EPG5: variants seen among roughly 807,000 people sequenced by gnomAD.
The protein encoded by EPG5 is ectopic P granules protein 5 homolog.
A neutral mutation model predicts 302.7 loss-of-function variants in EPG5; 159 were observed. The observed-to-expected ratio is 0.53, with a 90% CI of 0.46 to 0.60. The LOEUF (loss-of-function observed/expected upper bound fraction) is 0.60. Among genes scored for constraint, EPG5 ranks in the 20% least tolerant of loss-of-function variants. The pLI, the probability that EPG5 is intolerant of heterozygous loss-of-function variation, is 0.00. For synonymous variants in EPG5, 1,158 were observed against 1,136.8 expected, an observed-to-expected ratio of 1.02 and a Z score of -0.37; for missense variants, 2,896 against 3,092.4, an observed-to-expected ratio of 0.94 and a Z score of 1.51.
intron 11 of EPG5, among the ~76,000 whole-genome samples, chr18:45,933,204 T>C (rs985509173): frequency 3.3e-5 from 5 of 152,000 alleles, no homozygotes; most frequent in African/African-American, 9.7e-5. Flanking sequence ...ACCACGGCAA[T>C]GGTCTAATAG....
chr18:45,926,314 G>A (rs975771372), intron 13 of EPG5, among the ~76,000 whole-genome samples: 6 of 152,114 alleles, frequency 3.9e-5, no homozygotes, highest in Non-Finnish European at 7.4e-5. Flanking sequence ...CATCCAGGCC[G>A]GGGGTGGGGT....
Position 45,851,305 on chromosome 18 carries a change from G to C in EPG5, c.*1162C>G, listed in dbSNP as rs980687092. The C allele has an allele frequency of 6.6e-6, 1 of 152,184 alleles. No individual in the cohort carries two copies. Among genetic ancestry groups the C allele is most frequent in the Non-Finnish European group, 1.5e-5 (1 of 68,044 alleles). The allele number at this position is 152,184 out of a possible 1,614,324, so 9.4% of individuals were successfully genotyped here. On this transcript the variant is annotated 3_prime_UTR_variant, in exon 44 of 44. Transcript: ENST00000282041. The stretch of plus-strand genomic sequence containing the variant: ...TAGAATGAGGAACGTGGGAACAGAA[G>C]TCAAACTGCTCATTCCCAGGAGAAA...
At position 45,865,763 on chromosome 18, in the gene EPG5, A is replaced by C. The variant is rs1599442682; in HGVS notation, c.6622-4T>G. ...CTTGGCATTTTGGAACTGCATCCTG[A>C]CCAAAAAAAAAAAAAAAAATCATTC... On this transcript the variant is annotated splice_region_variant and splice_polypyrimidine_tract_variant and intron_variant, in intron 38 of 43. Transcript: ENST00000282041. The C allele has an allele frequency of 6.5e-7, 1 of 1,529,808 alleles. No individual in the cohort carries two copies. Among genetic ancestry groups the C allele is most frequent in the East Asian group, 2.3e-5 (1 of 43,428 alleles). The allele number at this position is 1,529,808 out of a possible 1,614,324, so 94.8% of individuals were successfully genotyped here.
At chr18:45,877,083 C>T (rs1568113239) in intron 34 of EPG5, among the ~76,000 whole-genome samples, 1 of 152,030 alleles carries the variant, frequency 6.6e-6, no homozygotes, top group Non-Finnish European at 1.5e-5. Context: ...CACGCCTGGC[C>T]CAGAGAAATT....
chr18:45,836,507 A>G, the EPG5 span, among the ~76,000 whole-genome samples: 1 of 152,108 alleles, frequency 6.6e-6, no homozygotes, highest in South Asian at 2.1e-4. Flanking sequence ...CCAAAGCAGC[A>G]CACATAGGCA....
At chr18:45,827,208 G>A in the EPG5 span, among the ~76,000 whole-genome samples, 1 of 152,192 alleles carries the variant, frequency 6.6e-6, no homozygotes. Context: ...GAGCCACCAT[G>A]CCCGGCAGAG....
chr18:45,865,765 C>CAAAA lies in EPG5; in HGVS notation c.6622-10_6622-7dup, dbSNP rs11333207. The CAAAA allele has an allele frequency of 3.7e-5, 52 of 1,411,788 alleles. No homozygotes were observed. In the African/African-American group the frequency reaches 7.5e-4, roughly 20 times the overall value. 87.5% of individuals were successfully genotyped at this position (1,411,788 alleles called of 1,614,324 possible). On this transcript the variant is annotated splice_region_variant and splice_polypyrimidine_tract_variant and intron_variant, in intron 38 of 43. Transcript: ENST00000282041. ...TGGCATTTTGGAACTGCATCCTGAC[C>CAAAA]AAAAAAAAAAAAAAAAATCATTCAA...
intron 31 of EPG5, among the ~76,000 whole-genome samples, chr18:45,881,642 C>T (rs1020239200): frequency 2.0e-5 from 3 of 152,004 alleles, no homozygotes; most frequent in Admixed American, 6.5e-5. Context: ...TACTGCCTAG[C>T]GAAACTCCAA....
chr18:45,880,310 A>C, intron 31 of EPG5, 87 bp from the exon 32 acceptor site: 1 of 1,270,990 alleles, frequency 7.9e-7, no homozygotes. Flanking sequence ...CACCTTATAA[A>C]GGAATAAAAA....
rs2048437278 is a variant in EPG5, at chr18:45,852,531, C to A, written c.7676G>T (p.Ser2559Ile). ...ACAGTTAACGAGAAGAGCCAAGAAGCTTTTCCCATCTTGAAGGCAATGGCC... is the reference window on the plus strand; with the variant it reads ...ACAGTTAACGAGAAGAGCCAAGAAGATTTTCCCATCTTGAAGGCAATGGCC... Reference protein sequence around the residue: ...HPGHCLQDGKSFLALLVNCLY... With the variant: ...HPGHCLQDGKIFLALLVNCLY... Residue 2559 changes from serine (S) to isoleucine (I), a missense_variant, in exon 44 of 44, where the codon AGC (serine) becomes ATC (isoleucine). Physicochemically the swap from Ser to Ile is moderately radical, Grantham distance 142 (BLOSUM62 -2). Coordinates refer to ENST00000282041, the MANE Select transcript of EPG5 (RefSeq NM_020964.3). 1 of 1,614,060 alleles carries A rather than the reference C, an allele frequency of 6.2e-7. No homozygotes were observed. Among genetic ancestry groups the A allele is most frequent in the East Asian group, 2.2e-5 (1 of 44,880 alleles).
intron 11 of EPG5, among the ~76,000 whole-genome samples, chr18:45,933,811 C>G (rs893529562): frequency 1.3e-5 from 2 of 151,796 alleles, no homozygotes; most frequent in African/African-American, 4.8e-5. Flanking sequence ...TGGAAAACAG[C>G]CTTTACTTCC....
chr18:45,930,382 G>T (rs2050372945), intron 12 of EPG5, among the ~76,000 whole-genome samples: 1 of 152,140 alleles, frequency 6.6e-6, no homozygotes, highest in Non-Finnish European at 1.5e-5. Flanking sequence ...AGGGGTGGGG[G>T]CGAGGGAAAC....
chr18:45,831,820 C>T, the EPG5 span, among the ~76,000 whole-genome samples: 42 of 151,844 alleles, frequency 2.8e-4, no homozygotes, highest in African/African-American at 9.9e-4. Flanking sequence ...TCACTGCAGC[C>T]TCCGCCTCCC....
At chr18:45,815,158 C>T in the EPG5 span, among the ~76,000 whole-genome samples, 1 of 152,146 alleles carries the variant, frequency 6.6e-6, no homozygotes, top group African/African-American at 2.4e-5. Flanking sequence ...TCAGTTTTCT[C>T]ATCAGTAAAA....
chr18:45,828,145 C>T, the EPG5 span, among the ~76,000 whole-genome samples: 1 of 152,190 alleles, frequency 6.6e-6, no homozygotes, highest in African/African-American at 2.4e-5. Flanking sequence ...GGAGCAGGCT[C>T]TGCTCCACCA....
At chr18:45,876,418 G>T in intron 34 of EPG5, 76 bp from the exon 35 acceptor site, 1 of 1,240,056 alleles carries the variant, frequency 8.1e-7, no homozygotes, top group Non-Finnish European at 1.2e-6. Context: ...TCTAGGGCTG[G>T]CCTAAGTCCT....
At chr18:45,828,371 C>T in the EPG5 span, among the ~76,000 whole-genome samples, 1 of 152,194 alleles carries the variant, frequency 6.6e-6, no homozygotes, top group African/African-American at 2.4e-5. Context: ...CTCCCAGGGG[C>T]TCCCCACATA....
intron 35 of EPG5, among the ~76,000 whole-genome samples, chr18:45,871,167 T>C (rs913273902): frequency 2.0e-5 from 3 of 152,168 alleles, no homozygotes; most frequent in African/African-American, 7.2e-5. Context: ...AGCCAATAGG[T>C]GCATGAAGAA....
chr18:45,916,220 G>T lies in EPG5; in HGVS notation c.3385-14C>A. ...AGATATGTGTGCCTGTGGAGAAAAG[G>T]CTCATGTGATGGGAAAGATAACAAC... is the stretch of plus-strand genomic sequence containing the variant. On this transcript the variant is annotated splice_polypyrimidine_tract_variant and intron_variant, in intron 18 of 43. Coordinates refer to ENST00000282041, the MANE Select transcript of EPG5 (RefSeq NM_020964.3). 6.3e-7 allele frequency: 1 copy of T among 1,597,104 alleles called. No homozygotes were observed. The highest frequency in any genetic ancestry group is 1.1e-5 in the South Asian group (1 of 88,190).
Sources: gnomAD v4.1 joint callset for allele counts (sites outside exome capture counted in the v4.1 genomes callset) on GRCh38, gnomAD v4.1.1 for gene constraint, MANE v1.5 for transcripts, NCBI Gene and HGNC (gene_info 2026-07-23, HGNC 2026-07-21) for gene names.